Variants in RBMS3 observed in about 807,000 individuals in gnomAD.
The protein encoded by RBMS3 is RNA binding motif single stranded interacting protein 3.
A neutral mutation model predicts 66.8 loss-of-function variants in RBMS3; 27 were observed. That is an observed-to-expected ratio of 0.40 (90% CI 0.30 to 0.56). The LOEUF (loss-of-function observed/expected upper bound fraction) is 0.56, where lower values mean the gene tolerates loss of function less well. Among genes scored for constraint, RBMS3 ranks in the 20% least tolerant of loss-of-function variants. The pLI is 0.40. For missense variants in RBMS3, 513 were observed against 549.5 expected (o/e 0.93, Z 0.66); for synonymous variants, 188 against 183.0 (o/e 1.03, Z -0.22).
At chr3:29,509,699 C>A (rs1284211276) in intron 3 of RBMS3, among the ~76,000 whole-genome samples, 4 of 152,168 alleles carry the variant, frequency 2.6e-5, no homozygotes, top group East Asian at 1.9e-4. Flanking sequence ...CCTCTATATC[C>A]CTTAATACAA....
intron 4 of RBMS3, among the ~76,000 whole-genome samples, chr3:29,716,152 A>G (rs1237134167): frequency 6.6e-6 from 1 of 152,170 alleles, no homozygotes; most frequent in Non-Finnish European, 1.5e-5. Flanking sequence ...ATAAATTTGT[A>G]CAAATTTAGA....
At position 29,597,815 on chromosome 3, in the gene RBMS3, G is replaced by A. The variant is rs143545206; in HGVS notation, c.399+10610G>A. Among the ~76,000 whole-genome samples, 508 of 151,656 alleles carry A rather than the reference G, an allele frequency of 3.3e-3. 4 individuals are homozygous for A. Among genetic ancestry groups the A allele is most frequent in the African/African-American group, 0.012 (476 of 41,362 alleles). On this transcript the variant is annotated intron_variant, in intron 4 of 14. Transcript: ENST00000383767. ...TAAAGGAAATAAAGTTTTAAATGAC[G>A]CAATATTAAGAGCTCATTTTTTCAT...
chr3:29,628,923 C>T (rs1405943825), intron 4 of RBMS3, among the ~76,000 whole-genome samples: 1 of 152,038 alleles, frequency 6.6e-6, no homozygotes, highest in African/African-American at 2.4e-5. Context: ...TGTTTTCCCT[C>T]ACACAGTGTG....
At chr3:29,612,533 A>C (rs2048527667) in intron 4 of RBMS3, among the ~76,000 whole-genome samples, 1 of 152,060 alleles carries the variant, frequency 6.6e-6, no homozygotes, top group Admixed American at 6.6e-5. Flanking sequence ...GGTGGGTCTA[A>C]GGGAATATGC....
At chr3:29,656,118 G>C (rs1424790325) in intron 4 of RBMS3, among the ~76,000 whole-genome samples, 1 of 152,148 alleles carries the variant, frequency 6.6e-6, no homozygotes, top group Non-Finnish European at 1.5e-5. Context: ...GTTACAGTAA[G>C]ATAAGGTTAA....
chr3:29,415,488 A>C (rs1336813533), intron 1 of RBMS3, among the ~76,000 whole-genome samples: 1 of 152,216 alleles, frequency 6.6e-6, no homozygotes, highest in Non-Finnish European at 1.5e-5. Context: ...TGATCTATAG[A>C]CAGTGAAGAG....
Position 29,753,759 on chromosome 3 carries a change from A to G in RBMS3, c.558-9151A>G, listed in dbSNP as rs145151371. Among the ~76,000 whole-genome samples, 486 of 152,284 alleles carry G rather than the reference A, an allele frequency of 3.2e-3. 2 individuals carry two copies. Among genetic ancestry groups the G allele is most frequent in the African/African-American group, 0.011 (456 of 41,558 alleles). ...GCCCATAATCATATTTCCTTTTTGA[A>G]TGATAAAAAAGACCCAGTGAGAGGA... is the stretch of plus-strand genomic sequence containing the variant. On this transcript the variant is annotated intron_variant, in intron 5 of 14. Transcript: ENST00000383767.
chr3:29,407,984 G>T (rs1423355197), intron 1 of RBMS3, among the ~76,000 whole-genome samples: 1 of 152,072 alleles, frequency 6.6e-6, no homozygotes, highest in Non-Finnish European at 1.5e-5. Context: ...TAGAAATTAG[G>T]AAAATTGGCT....
intron 1 of RBMS3, among the ~76,000 whole-genome samples, chr3:29,390,313 T>C (rs549815395): frequency 6.6e-6 from 1 of 152,316 alleles, no homozygotes; most frequent in South Asian, 2.1e-4. Context: ...TTGGAAAATG[T>C]GGTTTTGACA....
chr3:29,731,824 G>A (rs952312262), intron 4 of RBMS3, among the ~76,000 whole-genome samples: 5 of 151,420 alleles, frequency 3.3e-5, no homozygotes, highest in South Asian at 2.1e-4. Context: ...ACTCCCTCTC[G>A]TGCACTCTGT....
At chr3:30,002,813 TAC>T (rs1184163118) in intron 14 of RBMS3, among the ~76,000 whole-genome samples, 1 of 151,906 alleles carries the variant, frequency 6.6e-6, no homozygotes, top group Non-Finnish European at 1.5e-5. Flanking sequence ...AGCTAAACAA[TAC>T]ACAGTTTAAA....
rs189702321 is a variant in RBMS3 at position 29,708,149 on chromosome 3, C to G, written c.400-31571C>G. On this transcript the variant is annotated intron_variant, in intron 4 of 14. Transcript: ENST00000383767. The stretch of plus-strand genomic sequence containing the variant: ...TTGTTTTTAATTATTTAACACTTGA[C>G]ACTCTCAGATGGTACCTTATATAAG... Among the ~76,000 whole-genome samples the G allele has an allele frequency of 2.0e-5, 3 of 152,106 alleles. No individual in the cohort carries two copies. The East Asian group carries it at 5.8e-4, about 29-fold the overall frequency.
Position 29,360,306 on chromosome 3 carries a change from C to T in RBMS3, c.76-74437C>T, listed in dbSNP as rs181221272. ...TTTCTGCCTTCATTTCGTTATGTAC[C>T]CAGTAGTCATTCAGGAGCAGGTTGT... On this transcript the variant is annotated intron_variant, in intron 1 of 14. Coordinates refer to ENST00000383767, the MANE Select transcript of RBMS3 (RefSeq NM_001003793.3). Among the ~76,000 whole-genome samples, 97 of 151,790 alleles carry T rather than the reference C, an allele frequency of 6.4e-4. 3 individuals carry two copies. The highest frequency in any genetic ancestry group is 2.3e-3 in the African/African-American group (95 of 41,302).
chr3:29,794,050 T>C (rs1435916094), intron 6 of RBMS3, among the ~76,000 whole-genome samples: 1 of 152,204 alleles, frequency 6.6e-6, no homozygotes, highest in Non-Finnish European at 1.5e-5. Flanking sequence ...TCTTCTGCCA[T>C]GATTGTAAGT....
At chr3:29,929,755 A>G (rs1274429035) in intron 10 of RBMS3, among the ~76,000 whole-genome samples, 1 of 152,142 alleles carries the variant, frequency 6.6e-6, no homozygotes, top group Non-Finnish European at 1.5e-5. Flanking sequence ...TTTATCATAT[A>G]GCAGTGGAAA....
chr3:29,342,444 G>A (rs1472395177), intron 1 of RBMS3, among the ~76,000 whole-genome samples: 1 of 152,116 alleles, frequency 6.6e-6, no homozygotes, highest in Non-Finnish European at 1.5e-5. Context: ...TACCCATTGT[G>A]TCTATTATTG....
intron 4 of RBMS3, among the ~76,000 whole-genome samples, chr3:29,598,061 C>T (rs1029868001): frequency 1.4e-4 from 22 of 152,068 alleles, no homozygotes; most frequent in African/African-American, 4.8e-4. Flanking sequence ...AAATCACACT[C>T]CATGAGAAGA....
chr3:29,530,510 G>A, intron 3 of RBMS3, among the ~76,000 whole-genome samples: 1 of 152,106 alleles, frequency 6.6e-6, no homozygotes, highest in South Asian at 2.1e-4. Flanking sequence ...TAGCACGTAT[G>A]TAAAATTGAT....
chr3:29,979,158 AAACAACAAC>A (rs751421266), intron 12 of RBMS3, among the ~76,000 whole-genome samples: 7 of 151,238 alleles, frequency 4.6e-5, no homozygotes, highest in African/African-American at 7.4e-5. Flanking sequence ...AGAAGGAAAG[AAACAACAAC>A]AACAACAACA....
Sources: gnomAD v4.1 joint callset for allele counts (sites outside exome capture counted in the v4.1 genomes callset) on GRCh38, gnomAD v4.1.1 for gene constraint, MANE v1.5 for transcripts, NCBI Gene and HGNC (gene_info 2026-07-23, HGNC 2026-07-21) for gene names.